Variants in TSC22D1 observed in about 807,000 individuals in gnomAD.
TSC22D1 encodes the protein TSC22 domain family member 1, also known as TSC22 domain family protein 1.
Under a neutral mutation model 74.2 loss-of-function variants are expected in TSC22D1, and 9 were observed. That is an observed-to-expected ratio of 0.12 (90% confidence interval 0.07 to 0.21). The LOEUF is 0.21. TSC22D1 is among the 10% of genes least tolerant of loss of function. The probability of loss-of-function intolerance (pLI) is 1.00; values close to 1 mark genes in which losing one functional copy is unlikely to be tolerated. For missense variants in TSC22D1, 1,427 were observed against 1,304.7 expected, an observed-to-expected ratio of 1.09 and a Z score of -1.44; for synonymous variants, 586 against 492.5, an observed-to-expected ratio of 1.19 and a Z score of -2.51.
At chr13:44,501,001 A>G (rs1025639818) in intron 1 of TSC22D1, among the ~76,000 whole-genome samples, 1 of 152,146 alleles carries the variant, frequency 6.6e-6, no homozygotes, top group African/African-American at 2.4e-5. Flanking sequence ...GGTATATTTA[A>G]TGGCATTGAT....
intron 1 of TSC22D1, among the ~76,000 whole-genome samples, chr13:44,462,713 T>C (rs1877064488): frequency 1.3e-5 from 2 of 152,150 alleles, no homozygotes; most frequent in South Asian, 4.1e-4. Context: ...GTGCTTTAAG[T>C]AGTTGATATA....
At chr13:44,568,860 C>A (rs551556741) in intron 1 of TSC22D1, among the ~76,000 whole-genome samples, 7 of 152,156 alleles carry the variant, frequency 4.6e-5, no homozygotes, top group African/African-American at 1.7e-4. Flanking sequence ...CTATAATAGA[C>A]AGGTGGGGAT....
At chr13:44,549,005 A>T (rs536510044) in intron 1 of TSC22D1, among the ~76,000 whole-genome samples, 1 of 152,316 alleles carries the variant, frequency 6.6e-6, no homozygotes, top group South Asian at 2.1e-4. Context: ...ATAATAAACT[A>T]GATTCAGAGC....
intron 1 of TSC22D1, among the ~76,000 whole-genome samples, chr13:44,456,133 T>C (rs1283724168): frequency 6.6e-6 from 1 of 152,168 alleles, no homozygotes; most frequent in Non-Finnish European, 1.5e-5. Flanking sequence ...CCGTGGACCC[T>C]CGCAGTGAGT....
At chr13:44,525,791 T>C in intron 1 of TSC22D1, among the ~76,000 whole-genome samples, 1 of 138,578 alleles carries the variant, frequency 7.2e-6, no homozygotes. Flanking sequence ...TATCTAGCTT[T>C]TAACAAAAAA....
intron 1 of TSC22D1, among the ~76,000 whole-genome samples, chr13:44,461,658 G>C (rs904225183): frequency 1.3e-5 from 2 of 152,190 alleles, no homozygotes; most frequent in Non-Finnish European, 2.9e-5. Flanking sequence ...TGCCCAAACA[G>C]TAGGGTCCTC....
At chr13:44,546,074 T>C (rs1881809113) in intron 1 of TSC22D1, among the ~76,000 whole-genome samples, 1 of 152,172 alleles carries the variant, frequency 6.6e-6, no homozygotes, top group South Asian at 2.1e-4. Context: ...CGAATTAGGC[T>C]GCCTTTACAT....
chr13:44,532,046 G>C (rs1476901762), intron 1 of TSC22D1, among the ~76,000 whole-genome samples: 1 of 151,996 alleles, frequency 6.6e-6, no homozygotes, highest in African/African-American at 2.4e-5. Flanking sequence ...AATACAACCC[G>C]AAAAATAACA....
chr13:44,526,829 G>A (rs982025452), intron 1 of TSC22D1, among the ~76,000 whole-genome samples: 1 of 152,064 alleles, frequency 6.6e-6, no homozygotes, highest in African/African-American at 2.4e-5. Flanking sequence ...AAATCACAGA[G>A]GCAGAAAGTT....
intron 1 of TSC22D1, among the ~76,000 whole-genome samples, chr13:44,507,942 A>T (rs1443161166): frequency 3.3e-5 from 5 of 152,220 alleles, no homozygotes; most frequent in African/African-American, 1.2e-4. Flanking sequence ...TTCCTAGAGG[A>T]ATTATACAAA....
intron 1 of TSC22D1, 119 bp downstream of exon 1, chr13:44,573,044 T>C: frequency 1.4e-6 from 2 of 1,414,572 alleles, no homozygotes; most frequent in East Asian, 2.5e-5. Context: ...TAAAAATGCA[T>C]TTTTCACATA....
Position 44,573,768 on chromosome 13 carries a change from T to A in TSC22D1, c.2307A>T (p.Gln769His). The A allele has an allele frequency of 6.2e-7, 1 of 1,614,216 alleles. No homozygotes were observed. The highest frequency in any genetic ancestry group is 8.5e-7 in the Non-Finnish European group (1 of 1,180,030). The change falls in exon 1 of 3, where the codon CAA (glutamine) becomes CAT (histidine). Residue 769 changes from glutamine (Q) to histidine (H), a missense_variant. Around this residue, in one of 3 missense-constraint regions of TSC22D1, gnomAD observed 1,343 missense variants for 1,191.5 expected, o/e 1.13. Coordinates refer to ENST00000458659, the MANE Select transcript of TSC22D1 (RefSeq NM_183422.4). Reference protein sequence around the residue: ...PPSSQVVPPAQTGIIHQGVQT... With the variant: ...PPSSQVVPPAHTGIIHQGVQT... ...GAACTCCCTGATGAATAATCCCAGTTTGAGCAGGTGGAACCACTTGCGAAG... is the reference window on the plus strand; with the variant it reads ...GAACTCCCTGATGAATAATCCCAGTATGAGCAGGTGGAACCACTTGCGAAG...
intron 1 of TSC22D1, among the ~76,000 whole-genome samples, chr13:44,513,472 A>G (rs1879833839): frequency 6.6e-6 from 1 of 152,254 alleles, no homozygotes; most frequent in Non-Finnish European, 1.5e-5. Context: ...TACACAAAAC[A>G]CATAACCTGT....
At chr13:44,438,581 T>C (rs1167066740) in intron 1 of TSC22D1, among the ~76,000 whole-genome samples, 1 of 152,214 alleles carries the variant, frequency 6.6e-6, no homozygotes, top group Non-Finnish European at 1.5e-5. Context: ...GAGATTCCCT[T>C]TTTACTGAAA....
At chr13:44,526,808 T>C (rs1202577018) in intron 1 of TSC22D1, among the ~76,000 whole-genome samples, 2 of 152,202 alleles carry the variant, frequency 1.3e-5, no homozygotes, top group Non-Finnish European at 2.9e-5. Flanking sequence ...CCAACATTTA[T>C]GACAGACACC....
intron 1 of TSC22D1, among the ~76,000 whole-genome samples, chr13:44,448,712 TA>T (rs1156621345): frequency 1.4e-5 from 2 of 147,642 alleles, no homozygotes; most frequent in East Asian, 3.9e-4. Context: ...TTCAGAATTA[TA>T]AAGCAAAATG....
chr13:44,481,711 A>G (rs1407235721), intron 1 of TSC22D1, among the ~76,000 whole-genome samples: 2 of 152,198 alleles, frequency 1.3e-5, no homozygotes, highest in Non-Finnish European at 2.9e-5. Flanking sequence ...GGCAGATAAC[A>G]TGAAATCAAC....
At chr13:44,517,365 T>C (rs1245064364) in intron 1 of TSC22D1, among the ~76,000 whole-genome samples, 1 of 149,284 alleles carries the variant, frequency 6.7e-6, no homozygotes, top group Non-Finnish European at 1.5e-5. Context: ...CACACAAATG[T>C]ACTCCTTCCT....
chr13:44,516,546 C>T (rs1185695557), intron 1 of TSC22D1, among the ~76,000 whole-genome samples: 1 of 152,022 alleles, frequency 6.6e-6, no homozygotes, highest in East Asian at 1.9e-4. Context: ...TCAAAGCACA[C>T]CAGTGACTGC....
Sources: gnomAD v4.1 joint callset for allele counts (sites outside exome capture counted in the v4.1 genomes callset) on GRCh38, gnomAD v4.1.1 for gene constraint, gnomAD v4.1.1 regional missense constraint, MANE v1.5 for transcripts, NCBI Gene and HGNC (gene_info 2026-07-23, HGNC 2026-07-21) for gene names.